The following TXNDC17 variants were observed in gnomAD, a reference collection of about 807,000 sequenced individuals.
TXNDC17 encodes the protein thioredoxin domain-containing protein 17.
In TXNDC17, 12 loss-of-function variants were observed where a neutral mutation model predicts 16.3. The observed-to-expected ratio is 0.74, with a 90% CI of 0.47 to 1.19. The LOEUF is 1.19. Among genes scored for constraint, TXNDC17 ranks in the 50% most tolerant of loss-of-function variants. TXNDC17 has a pLI of 0.00. For missense variants in TXNDC17, 158 were observed against 149.7 expected, an observed-to-expected ratio of 1.06 and a Z score of -0.29; for synonymous variants, 62 against 55.0, an observed-to-expected ratio of 1.13 and a Z score of -0.56.
chr17:6,641,203 A>C lies in TXNDC17; in HGVS notation c.121A>C (p.Ser41Arg), dbSNP rs1972652650. ...GGGTTCTAAGGACGCCGGGGGGAAA[A>C]GCTGGTGCCCCGACTGCGTGCAGGG... ...FTGSKDAGGK[S>R]WCPDCVQAEP... The change falls in exon 1 of 4, where the codon AGC (serine) becomes CGC (arginine). Residue 41 changes from serine to arginine, a missense_variant. Coordinates refer to ENST00000250101, the MANE Select transcript of TXNDC17 (RefSeq NM_032731.4). The C allele has an allele frequency of 2.5e-6, 4 of 1,613,548 alleles. No individual in the cohort carries two copies. The East Asian group carries it at 8.9e-5, about 36-fold the overall frequency.
In TXNDC17 at chr17:6,641,153, G is replaced by A; in HGVS notation, c.71G>A (p.Gly24Asp). The A allele has an allele frequency of 6.2e-7, 1 of 1,613,844 alleles. No homozygotes were observed. The highest frequency in any genetic ancestry group is 1.1e-5 in the South Asian group (1 of 91,088). Residue 24 changes from glycine (G) to aspartate (D), a missense_variant, in exon 1 of 4, where the codon GGC becomes GAC. Gly to Asp is a moderately conservative substitution (Grantham distance 94, BLOSUM62 -1). Coordinates refer to ENST00000250101, the MANE Select transcript of TXNDC17 (RefSeq NM_032731.4). ...CACCGGGCCGTGGAACAGCACAATG[G>A]CAAGACCATTTTCGCCTACTTTACG... ...EFHRAVEQHNGKTIFAYFTGS... is the reference protein window; with the variant it reads ...EFHRAVEQHNDKTIFAYFTGS...
Position 6,642,289 on chromosome 17 carries a change from G to GT in TXNDC17, c.269dup (p.Thr91AsnfsTer8). ...TAATGACTTCAGAAAAAACTTGAAA[G>GT]TAACAGCAGTGCCTACACTACTTAA... is the stretch of plus-strand genomic sequence containing the variant. On this transcript the variant is annotated frameshift_variant, in exon 3 of 4. Transcript: ENST00000250101. LOFTEE classifies it high-confidence loss of function. 6.2e-7 allele frequency: 1 copy of GT among 1,611,466 alleles called. No homozygotes were observed. Among genetic ancestry groups the GT allele is most frequent in the African/African-American group, 1.3e-5 (1 of 74,954 alleles).
chr17:6,641,684 A>G (rs992314906), intron 1 of TXNDC17, 69 bp from the exon 2 acceptor site: 2 of 1,476,826 alleles, frequency 1.4e-6, no homozygotes, highest in East Asian at 2.3e-5. Context: ...GAAGGGGGAA[A>G]GAACACAGTT....
chr17:6,641,196 G>C lies in TXNDC17; in HGVS notation c.114G>C (p.Gly38=), dbSNP rs1366246821. Residue 38 remains glycine (G), a synonymous_variant, in exon 1 of 4, where the codon GGG becomes GGC. Coordinates refer to ENST00000250101, the MANE Select transcript of TXNDC17 (RefSeq NM_032731.4). The stretch of plus-strand genomic sequence containing the variant: ...ACTTTACGGGTTCTAAGGACGCCGG[G>C]GGGAAAAGCTGGTGCCCCGACTGCG... ...FAYFTGSKDA[G]GKSWCPDCVQ... is the part of the protein sequence containing the mutation. The C allele has an allele frequency of 1.9e-6, 3 of 1,613,538 alleles. No individual in the cohort carries two copies. Among genetic ancestry groups the C allele is most frequent in the Non-Finnish European group, 8.5e-7 (1 of 1,180,034 alleles).
At chr17:6,641,285 C>T (rs1972657073) in intron 1 of TXNDC17, 58 bp downstream of exon 1, 1 of 1,600,804 alleles carries the variant, frequency 6.2e-7, no homozygotes, top group South Asian at 1.1e-5. Flanking sequence ...GTCGAGCCTA[C>T]GGCCAGAAGG....
intron 1 of TXNDC17, 96 bp downstream of exon 1, chr17:6,641,323 T>C: frequency 6.5e-7 from 1 of 1,542,118 alleles, no homozygotes. Flanking sequence ...GAGTCTTGGT[T>C]CCAGACATCC....
chr17:6,642,143 A>G (rs959083308), intron 2 of TXNDC17, 106 bp from the exon 3 acceptor site: 72 of 799,642 alleles, frequency 9.0e-5, no homozygotes, highest in Non-Finnish European at 1.4e-4. Context: ...AGTGTTTGCA[A>G]GAACAGTGAT....
chr17:6,642,118 C>CCG, intron 2 of TXNDC17, 131 bp from the exon 3 acceptor site: 1 of 698,728 alleles, frequency 1.4e-6, no homozygotes, highest in East Asian at 2.7e-5. Context: ...AAGCCATAGT[C>CCG]CGCAAGGTTT....
rs542726099 is a variant in TXNDC17, at chr17:6,643,725, A to C, written c.*706A>C. The C allele has an allele frequency of 6.0e-6, 1 of 166,596 alleles. No individual in the cohort carries two copies. The highest frequency in any genetic ancestry group is 1.6e-4 in the East Asian group (1 of 6,124). 10.3% of individuals were successfully genotyped at this position (166,596 alleles called of 1,614,324 possible). On this transcript the variant is annotated 3_prime_UTR_variant, in exon 4 of 4. Transcript: ENST00000250101. ...TCTCTTCTATAAACAAGGTTCTTAG[A>C]ATAAAATGAGAATTCAAGGAAGCAC...
rs1363116348 is a variant in TXNDC17 at position 6,644,336 on chromosome 17, A to C, written c.*1317A>C. 1 of 1,048,520 alleles carries C rather than the reference A, an allele frequency of 9.5e-7. No homozygotes were observed. The highest frequency in any genetic ancestry group is 1.3e-6 in the Non-Finnish European group (1 of 779,310). The allele number at this position is 1,048,520 out of a possible 1,614,324, so 65.0% of individuals were successfully genotyped here. A position where few individuals can be genotyped will look rare whatever the true frequency, so the allele number is the denominator to read the frequency against. The stretch of plus-strand genomic sequence containing the variant: ...TATTAACAATAAAAAGTTGGATGAA[A>C]AAGCACACTAAAGGTTCTAGGGGCT... On this transcript the variant is annotated 3_prime_UTR_variant, in exon 4 of 4. Coordinates refer to ENST00000250101, the MANE Select transcript of TXNDC17 (RefSeq NM_032731.4).
rs143843752 is a variant in TXNDC17 at position 6,641,157 on chromosome 17, G to C, written c.75G>C (p.Lys25Asn). ...GGGCCGTGGAACAGCACAATGGCAA[G>C]ACCATTTTCGCCTACTTTACGGGTT... Reference protein sequence around the residue: ...FHRAVEQHNGKTIFAYFTGSK... With the variant: ...FHRAVEQHNGNTIFAYFTGSK... Residue 25 changes from lysine to asparagine, a missense_variant, in exon 1 of 4, where the codon AAG (lysine) becomes AAC (asparagine). Coordinates refer to ENST00000250101, the MANE Select transcript of TXNDC17 (RefSeq NM_032731.4). The C allele has an allele frequency of 1.8e-4, 287 of 1,613,850 alleles. 2 individuals are homozygous for C. The African/African-American group carries it at 3.5e-3, about 20-fold the overall frequency.
chr17:6,641,909 TACTTA>T, intron 2 of TXNDC17, 75 bp downstream of exon 2: 2 of 1,308,540 alleles, frequency 1.5e-6, no homozygotes, highest in Admixed American at 3.5e-5. Context: ...CTCAGGGACT[TACTTA>T]CCCAGTTTGT....
intron 2 of TXNDC17, 35 bp downstream of exon 2, chr17:6,641,869 GCA>G: frequency 6.3e-7 from 1 of 1,590,816 alleles, no homozygotes; most frequent in East Asian, 2.2e-5. Flanking sequence ...TCGCAGACGT[GCA>G]CAAATTGCAT....
chr17:6,642,243 G>C lies in TXNDC17; in HGVS notation c.228-6G>C, dbSNP rs1437890674. 4.4e-6 allele frequency: 7 copies of C among 1,600,130 alleles called. No individual in the cohort carries two copies. Among genetic ancestry groups the C allele is most frequent in the Non-Finnish European group, 8.5e-7 (1 of 1,172,724 alleles). ...TTTTTCATGATCACTTTTTCTTTTC[G>C]AATAGTTGGAAAGATCCAAATAATG... On this transcript the variant is annotated splice_region_variant and splice_polypyrimidine_tract_variant and intron_variant, in intron 2 of 3. Transcript: ENST00000250101.
Position 6,641,749 on chromosome 17 carries a change from A to T in TXNDC17, c.146-4A>T. On this transcript the variant is annotated splice_polypyrimidine_tract_variant and splice_region_variant and intron_variant, in intron 1 of 3. Coordinates refer to ENST00000250101, the MANE Select transcript of TXNDC17 (RefSeq NM_032731.4). ...CGATTATTTTATCTCAACTTTTTTT[A>T]AAGCTGAACCAGTCGTACGAGAGGG... The T allele has an allele frequency of 1.2e-6, 2 of 1,614,038 alleles. No individual in the cohort carries two copies.
Position 6,641,784 on chromosome 17 carries a change from C to T in TXNDC17, c.177C>T (p.His59=), listed in dbSNP as rs146489783. 225 of 1,614,092 alleles carry T rather than the reference C, an allele frequency of 1.4e-4. No individual in the cohort carries two copies. The African/African-American group carries it at 2.3e-3, about 17-fold the overall frequency. Residue 59 remains histidine (H), a synonymous_variant, in exon 2 of 4, where the codon CAC becomes CAT. Transcript: ENST00000250101. The part of the protein sequence containing the change: ...AEPVVREGLK[H]ISEGCVFIYC... ...CAGTCGTACGAGAGGGGCTGAAGCA[C>T]ATTAGTGAAGGATGTGTGTTCATCT...
Position 6,644,485 on chromosome 17 carries a change from A to AT in TXNDC17, c.*1470dup. On this transcript the variant is annotated 3_prime_UTR_variant, in exon 4 of 4. Coordinates refer to ENST00000250101, the MANE Select transcript of TXNDC17 (RefSeq NM_032731.4). The stretch of plus-strand genomic sequence containing the variant: ...CAGTTTTTCATTTTCCCGATGTGTT[A>AT]TTTTGCTGTTGCTGCTCTGCCAAGG... 1 of 1,603,346 alleles carries AT rather than the reference A, an allele frequency of 6.2e-7. No individual in the cohort carries two copies. The highest frequency in any genetic ancestry group is 8.5e-7 in the Non-Finnish European group (1 of 1,175,956).
rs1263676912 is a variant in TXNDC17, at chr17:6,643,265, C to T, written c.*246C>T. The stretch of plus-strand genomic sequence containing the variant: ...CAAAGGAACGTATTCTTGAAGGTGA[C>T]GGAAATACCTAAAAACTCCTAAAGG... On this transcript the variant is annotated 3_prime_UTR_variant, in exon 4 of 4. Transcript: ENST00000250101. 3 of 377,780 alleles carry T rather than the reference C, an allele frequency of 7.9e-6. No individual in the cohort carries two copies. The highest frequency in any genetic ancestry group is 4.3e-5 in the Admixed American group (1 of 23,372). The allele number at this position is 377,780 out of a possible 1,614,324, so 23.4% of individuals were successfully genotyped here.
chr17:6,641,072 A>C lies in TXNDC17; in HGVS notation c.-11A>C. ...CGTGCACTCCTCCAGTAGCGGCTGC[A>C]CGTCGTGCCAATGGCCCGCTATGAG... is the stretch of plus-strand genomic sequence containing the variant. On this transcript the variant is annotated 5_prime_UTR_variant, in exon 1 of 4. Coordinates refer to ENST00000250101, the MANE Select transcript of TXNDC17 (RefSeq NM_032731.4). The C allele has an allele frequency of 1.2e-6, 2 of 1,611,286 alleles. No homozygotes were observed. Among genetic ancestry groups the C allele is most frequent in the Non-Finnish European group, 1.7e-6 (2 of 1,179,346 alleles).
Sources: allele counts gnomAD v4.1 joint callset, GRCh38; gene constraint gnomAD v4.1.1; transcripts MANE v1.5; gene names NCBI Gene and HGNC (gene_info 2026-07-23, HGNC 2026-07-21).